The following LPP variants were observed in gnomAD, a reference collection of about 807,000 sequenced individuals.
The protein encoded by LPP is lipoma-preferred partner.
LPP carries 38 observed loss-of-function variants against 60.4 expected under a neutral mutation model. The observed-to-expected ratio is 0.63, with a 90% CI of 0.49 to 0.83. The LOEUF (loss-of-function observed/expected upper bound fraction) is 0.83. Ranked by LOEUF, LPP falls within the 40% of genes least tolerant of loss-of-function variation. The pLI, the probability that LPP is intolerant of heterozygous loss-of-function variation, is 0.00. For missense variants in LPP, 902 were observed against 783.6 expected, an observed-to-expected ratio of 1.15 and a Z score of -1.80; for synonymous variants, 328 against 290.8, an observed-to-expected ratio of 1.13 and a Z score of -1.30.
chr3:188,536,989 G>T (rs959610629), intron 6 of LPP, among the ~76,000 whole-genome samples: 1 of 152,136 alleles, frequency 6.6e-6, no homozygotes, highest in Non-Finnish European at 1.5e-5. Context: ...TTCCCAAATG[G>T]CCAACTTATG....
intron 2 of LPP, among the ~76,000 whole-genome samples, chr3:188,233,686 C>T (rs1396350681): frequency 6.6e-6 from 1 of 152,090 alleles, no homozygotes; most frequent in Non-Finnish European, 1.5e-5. Flanking sequence ...AAGGCTTTTT[C>T]CCCCCATTGA....
chr3:188,586,837 C>T (rs1245392179), intron 6 of LPP, among the ~76,000 whole-genome samples: 5 of 151,784 alleles, frequency 3.3e-5, no homozygotes, highest in African/African-American at 4.8e-5. Context: ...CAGCAATTCT[C>T]CTGCCTCAGC....
At chr3:188,164,305 T>C (rs1423907311) in intron 1 of LPP, among the ~76,000 whole-genome samples, 1 of 152,202 alleles carries the variant, frequency 6.6e-6, no homozygotes, top group African/African-American at 2.4e-5. Context: ...CCTGAATCTA[T>C]TATTTTCCAT....
At chr3:188,561,969 G>C (rs1830786547) in intron 6 of LPP, among the ~76,000 whole-genome samples, 1 of 152,018 alleles carries the variant, frequency 6.6e-6, no homozygotes, top group Non-Finnish European at 1.5e-5. Context: ...CTTGTGAGCA[G>C]TTGGCGTTAA....
At chr3:188,474,005 A>G (rs77093915) in intron 4 of LPP, among the ~76,000 whole-genome samples, 29,016 of 152,184 alleles carry the variant, frequency 0.19, 3,441 homozygotes, top group Middle Eastern at 0.35. Context: ...CAGGTTATTA[A>G]CTGTCTAGCT....
intron 9 of LPP, among the ~76,000 whole-genome samples, chr3:188,834,101 A>G (rs1757740950): frequency 6.6e-6 from 1 of 152,106 alleles, no homozygotes; most frequent in Non-Finnish European, 1.5e-5. Context: ...AGCCAACTCT[A>G]TAGCCTTTGA....
At chr3:188,669,004 G>A (rs1856387507) in intron 7 of LPP, among the ~76,000 whole-genome samples, 1 of 151,986 alleles carries the variant, frequency 6.6e-6, no homozygotes, top group Admixed American at 6.6e-5. Context: ...TAAGATCTTA[G>A]GAGACCTGTC....
intron 9 of LPP, among the ~76,000 whole-genome samples, chr3:188,804,440 C>T (rs1748456074): frequency 6.6e-6 from 1 of 150,662 alleles, no homozygotes; most frequent in African/African-American, 2.4e-5. Flanking sequence ...ACAATGGAAA[C>T]ATATGGACAT....
chr3:188,472,085 A>G (rs1801984273), intron 4 of LPP, among the ~76,000 whole-genome samples: 2 of 152,216 alleles, frequency 1.3e-5, no homozygotes, highest in Admixed American at 6.5e-5. Context: ...TACACCTCCA[A>G]TGATTCTCAA....
chr3:188,627,278 C>G (rs970767492), intron 7 of LPP, among the ~76,000 whole-genome samples: 3 of 152,130 alleles, frequency 2.0e-5, no homozygotes, highest in African/African-American at 7.2e-5. Flanking sequence ...ATGGCAAGAT[C>G]AAATGCTTAT....
intron 9 of LPP, among the ~76,000 whole-genome samples, chr3:188,809,205 G>C (rs957931641): frequency 6.6e-6 from 1 of 152,148 alleles, no homozygotes; most frequent in Admixed American, 6.6e-5. Flanking sequence ...ATCCAGTAAT[G>C]AGATTATTGG....
intron 6 of LPP, among the ~76,000 whole-genome samples, chr3:188,592,839 G>A (rs562771889): frequency 2.4e-4 from 36 of 151,870 alleles, no homozygotes; most frequent in Non-Finnish European, 4.7e-4. Context: ...TGTACCCGGC[G>A]TATCATTGTT....
intron 7 of LPP, among the ~76,000 whole-genome samples, chr3:188,667,498 G>A (rs1415782190): frequency 6.6e-6 from 1 of 151,064 alleles, no homozygotes; most frequent in African/African-American, 2.4e-5. Flanking sequence ...AACATCTTTG[G>A]TAGCAGTTTT....
intron 2 of LPP, among the ~76,000 whole-genome samples, chr3:188,274,334 C>G (rs1738898057): frequency 1.3e-5 from 2 of 152,312 alleles, no homozygotes; most frequent in Non-Finnish European, 1.5e-5. Context: ...TTCTTAACCA[C>G]AAAGGGGACC....
Position 188,524,665 on chromosome 3 carries a change from G to A in LPP, c.307G>A (p.Gly103Arg), listed in dbSNP as rs781453306. The A allele has an allele frequency of 1.2e-6, 2 of 1,612,750 alleles. No homozygotes were observed. Among genetic ancestry groups the A allele is most frequent in the Non-Finnish European group, 1.7e-6 (2 of 1,179,404 alleles). ...AACATGTCTGTGTTGCTTCCAACAG[G>A]GGAATCCCGGAGGCAAGACACTTGA... ...PLDEEAFKVQ[G>R]NPGGKTLEER... Residue 103 changes from glycine to arginine, a missense_variant and splice_region_variant, in exon 6 of 12, where the codon GGG (glycine) becomes AGG (arginine). Gly to Arg is a moderately radical substitution (Grantham distance 125). Transcript: ENST00000617246.
intron 2 of LPP, among the ~76,000 whole-genome samples, chr3:188,240,342 A>AGTGT (rs75173733): frequency 0.012 from 1,754 of 143,696 alleles, 18 homozygotes; most frequent in African/African-American, 0.027. Context: ...TTTGGGTAAG[A>AGTGT]GTGTGTGTGT....
At chr3:188,267,309 C>T (rs558080983) in intron 2 of LPP, among the ~76,000 whole-genome samples, 2 of 152,246 alleles carry the variant, frequency 1.3e-5, no homozygotes, top group South Asian at 2.1e-4. Context: ...CTTACTAGCC[C>T]CTCATTCCCA....
intron 5 of LPP, among the ~76,000 whole-genome samples, chr3:188,502,566 G>A (rs561455057): frequency 7.9e-5 from 12 of 152,174 alleles, no homozygotes; most frequent in East Asian, 3.9e-4. Flanking sequence ...CTGCCAACCC[G>A]TCTTTTGACC....
chr3:188,726,118 T>C (rs1718304210), intron 8 of LPP, among the ~76,000 whole-genome samples: 1 of 152,108 alleles, frequency 6.6e-6, no homozygotes, highest in Admixed American at 6.6e-5. Context: ...CCACAAGATA[T>C]TGATTAAAGA....
Sources: gnomAD v4.1 joint callset for allele counts (sites outside exome capture counted in the v4.1 genomes callset) on GRCh38, gnomAD v4.1.1 for gene constraint, MANE v1.5 for transcripts, NCBI Gene and HGNC (gene_info 2026-07-23, HGNC 2026-07-21) for gene names.